The following MTUS1 variants were observed in gnomAD, a reference collection of about 807,000 sequenced individuals.
The protein encoded by MTUS1 is microtubule associated scaffold protein 1.
Under a neutral mutation model 120.8 loss-of-function variants are expected in MTUS1, and 109 were observed. The observed-to-expected ratio is 0.90, with a 90% CI of 0.77 to 1.06. The LOEUF (loss-of-function observed/expected upper bound fraction) is 1.06, where lower values mean the gene tolerates loss of function less well. MTUS1 is among the 50% of genes least tolerant of loss of function. The probability of loss-of-function intolerance (pLI) is 0.00; values close to 1 mark genes in which losing one functional copy is unlikely to be tolerated. For synonymous variants in MTUS1, 737 were observed against 550.5 expected (o/e 1.34, Z -4.74); for missense variants, 2,210 against 1,486.3 (o/e 1.49, Z -8.01).
At chr8:17,693,008 G>A (rs972367853) in intron 6 of MTUS1, among the ~76,000 whole-genome samples, 3 of 152,076 alleles carry the variant, frequency 2.0e-5, no homozygotes, top group African/African-American at 2.4e-5. Context: ...TGTCTTTAGC[G>A]TACTGAATTG....
At chr8:17,792,167 A>C (rs2051843598) in intron 1 of MTUS1, among the ~76,000 whole-genome samples, 1 of 152,206 alleles carries the variant, frequency 6.6e-6, no homozygotes. Context: ...AATGGATGTC[A>C]TGGTGGGCAA....
chr8:17,725,942 C>A (rs185684023), intron 3 of MTUS1, among the ~76,000 whole-genome samples: 1 of 152,282 alleles, frequency 6.6e-6, no homozygotes, highest in Non-Finnish European at 1.5e-5. Context: ...TTTAATTTCA[C>A]AGGCTTAAAA....
rs369869216 is a variant in MTUS1, at chr8:17,660,428, C to T, written c.2906-4363G>A. 6.0e-4 allele frequency among the ~76,000 whole-genome samples: 92 copies of T among 152,264 alleles called. 4 individuals carry two copies. Among genetic ancestry groups the T allele is most frequent in the African/African-American group, 2.1e-3 (88 of 41,550 alleles). On this transcript the variant is annotated intron_variant, in intron 8 of 14. Transcript: ENST00000693296. ...CGTACAGATGACATTTGTGTATCCA[C>T]TTACCATCCACGGACACTTGGGTTG... is the stretch of plus-strand genomic sequence containing the variant.
chr8:17,764,623 C>G (rs1462367737), intron 1 of MTUS1, among the ~76,000 whole-genome samples: 2 of 152,196 alleles, frequency 1.3e-5, no homozygotes, highest in Admixed American at 6.5e-5. Flanking sequence ...TATAAAATAT[C>G]TTAGGCTTTA....
chr8:17,790,774 G>C (rs939545335), intron 1 of MTUS1, among the ~76,000 whole-genome samples: 4 of 152,110 alleles, frequency 2.6e-5, no homozygotes, highest in Non-Finnish European at 5.9e-5. Flanking sequence ...ATCACTTGAG[G>C]TCAAGAGTTC....
chr8:17,647,106 T>A, intron 13 of MTUS1, 27 bp from the exon 14 acceptor site: 1 of 1,564,118 alleles, frequency 6.4e-7, no homozygotes, highest in Non-Finnish European at 8.7e-7. Context: ...ATTCCAACAT[T>A]TATACAATAT....
intron 3 of MTUS1, among the ~76,000 whole-genome samples, chr8:17,734,792 T>A (rs1248135655): frequency 6.6e-6 from 1 of 152,196 alleles, no homozygotes; most frequent in Non-Finnish European, 1.5e-5. Context: ...TAATGCCTGA[T>A]AAGAACAAAA....
At chr8:17,794,701 T>C (rs183548625) in intron 1 of MTUS1, among the ~76,000 whole-genome samples, 1 of 152,312 alleles carries the variant, frequency 6.6e-6, no homozygotes, top group East Asian at 1.9e-4. Flanking sequence ...ACGAAATGAT[T>C]AACAGTATAG....
chr8:17,787,939 G>C (rs932102808), intron 1 of MTUS1, among the ~76,000 whole-genome samples: 1 of 152,182 alleles, frequency 6.6e-6, no homozygotes, highest in Non-Finnish European at 1.5e-5. Context: ...GGCCAACATG[G>C]TGAAACCCCA....
chr8:17,739,219 C>A (rs945306847), intron 3 of MTUS1, among the ~76,000 whole-genome samples: 4 of 152,050 alleles, frequency 2.6e-5, no homozygotes, highest in African/African-American at 9.7e-5. Context: ...TCAGGCCAGG[C>A]GCGGTGGCTC....
chr8:17,654,658 G>C lies in MTUS1; in HGVS notation c.3117C>G (p.Asn1039Lys). The part of the protein sequence containing the change: ...YKMQLQEQFD[N>K]LNAAHETSKL... ...TAGAGGTTTCATGCGCAGCATTTAA[G>C]TTGTCAAACTGTAAGCAACAAACAA... Residue 1039 changes from asparagine (N) to lysine (K), a missense_variant, in exon 10 of 15, where the codon AAC (asparagine) becomes AAG (lysine). Transcript: ENST00000693296. 4 of 1,613,078 alleles carry C rather than the reference G, an allele frequency of 2.5e-6. No homozygotes were observed. The South Asian group carries it at 4.4e-5, about 18-fold the overall frequency.
intron 12 of MTUS1, 47 bp downstream of exon 12, chr8:17,653,139 A>C (rs1222744589): frequency 1.8e-6 from 2 of 1,119,688 alleles, no homozygotes; most frequent in African/African-American, 3.2e-5. Flanking sequence ...CTAAAAGGCA[A>C]CTGAGAAGAA....
chr8:17,664,958 T>A (rs767739813), intron 8 of MTUS1, among the ~76,000 whole-genome samples: 5 of 152,180 alleles, frequency 3.3e-5, no homozygotes, highest in Non-Finnish European at 5.9e-5. Flanking sequence ...CAAATAGGCA[T>A]GTCCAGTTTC....
rs142965653 is a variant in MTUS1 at position 17,739,236 on chromosome 8, G to A, written c.2287+4368C>T. On this transcript the variant is annotated intron_variant, in intron 3 of 14. Coordinates refer to ENST00000693296, the MANE Select transcript of MTUS1 (RefSeq NM_001363059.2). ...AGGCCAGGCGCGGTGGCTCACTCCT[G>A]TAATCCCAGCACTTTGGGAGGCCGA... Among the ~76,000 whole-genome samples, 1,277 of 152,246 alleles carry A rather than the reference G, an allele frequency of 8.4e-3. 17 individuals are homozygous for A. Among genetic ancestry groups the A allele is most frequent in the African/African-American group, 0.028 (1,180 of 41,530 alleles).
intron 8 of MTUS1, among the ~76,000 whole-genome samples, chr8:17,673,447 G>A (rs901857564): frequency 5.9e-5 from 9 of 152,112 alleles, no homozygotes; most frequent in African/African-American, 2.2e-4. Context: ...AGGGGAAAAG[G>A]GAAGATGAAT....
At chr8:17,772,509 G>C (rs2050092558) in intron 1 of MTUS1, among the ~76,000 whole-genome samples, 1 of 152,138 alleles carries the variant, frequency 6.6e-6, no homozygotes, top group African/African-American at 2.4e-5. Flanking sequence ...CAGTAGAAGA[G>C]GCCAGTGTAC....
At chr8:17,743,473 C>A (rs2047493008) in intron 3 of MTUS1, 131 bp downstream of exon 3, 3 of 808,816 alleles carry the variant, frequency 3.7e-6, no homozygotes, top group Non-Finnish European at 5.7e-6. Context: ...TCTTTTTCTA[C>A]CTCCTGTGCT....
intron 6 of MTUS1, among the ~76,000 whole-genome samples, chr8:17,686,500 A>G (rs1040570252): frequency 2.6e-5 from 4 of 152,170 alleles, no homozygotes; most frequent in Admixed American, 1.3e-4. Context: ...CATTCTCCTG[A>G]TATCATTTGT....
chr8:17,681,356 AGT>A (rs1814452439), intron 7 of MTUS1, among the ~76,000 whole-genome samples: 1 of 152,224 alleles, frequency 6.6e-6, no homozygotes, highest in African/African-American at 2.4e-5. Flanking sequence ...ACAGCAACCC[AGT>A]AATGATACGT....
Sources: gnomAD v4.1 joint callset for allele counts (sites outside exome capture counted in the v4.1 genomes callset) on GRCh38, gnomAD v4.1.1 for gene constraint, MANE v1.5 for transcripts, NCBI Gene and HGNC (gene_info 2026-07-23, HGNC 2026-07-21) for gene names.